Variants in SYT9 observed in about 807,000 individuals in gnomAD.
The protein encoded by SYT9 is synaptotagmin 9, also known as synaptotagmin-9.
SYT9 carries 22 observed loss-of-function variants against 48.4 expected under a neutral mutation model. That is an observed-to-expected ratio of 0.45 (90% CI 0.32 to 0.65). The LOEUF is 0.65. Ranked by LOEUF, SYT9 falls within the 30% of genes least tolerant of loss-of-function variation. The pLI is 0.03. For missense variants in SYT9, 577 were observed against 622.0 expected, an observed-to-expected ratio of 0.93 and a Z score of 0.77; for synonymous variants, 265 against 245.0, an observed-to-expected ratio of 1.08 and a Z score of -0.76.
intron 6 of SYT9, chr11:7,440,679 T>G (rs901354190): frequency 6.6e-6 from 1 of 152,240 alleles, no homozygotes; most frequent in African/African-American, 2.4e-5. Flanking sequence ...TCTGGAAGAC[T>G]GAAGAATATC....
At chr11:7,344,630 A>G (rs2133994272) in intron 3 of SYT9, among the ~76,000 whole-genome samples, 1 of 152,342 alleles carries the variant, frequency 6.6e-6, no homozygotes, top group African/African-American at 2.4e-5. Context: ...GTGTGTGTAT[A>G]CTATAAAGTT....
chr11:7,252,243 C>T lies in SYT9; in HGVS notation c.57C>T (p.Leu19=), dbSNP rs983164962. ...CHQALQLLAE[L]CARGALEHDS... ...AGGCGCTGCAGCTGCTGGCCGAGCT[C>T]TGTGCCCGTGGGGCCCTGGAGCACG... is the stretch of plus-strand genomic sequence containing the variant. The change falls in exon 1 of 7, where the codon CTC becomes CTT. Residue 19 remains leucine, a synonymous_variant. Transcript: ENST00000318881. The surrounding 1 kb of genome is among the most constrained non-coding windows in gnomAD (Gnocchi z 6.3). The T allele has an allele frequency of 2.7e-6, 4 of 1,504,634 alleles. No homozygotes were observed. The African/African-American group carries it at 4.4e-5, about 16-fold the overall frequency. 93.2% of individuals were successfully genotyped at this position (1,504,634 alleles called of 1,614,324 possible). A position where few individuals can be genotyped will look rare whatever the true frequency, so the allele number is the denominator to read the frequency against.
In SYT9 at chr11:7,414,108, G is replaced by T. The variant is rs533366225; in HGVS notation, c.1045-1934G>T. ...AATCTGACACATCACATTTAATTAT[G>T]TGCCTCAGCCTTGAGGGCAGAGATT... On this transcript the variant is annotated intron_variant, in intron 3 of 6. Transcript: ENST00000318881. Among the ~76,000 whole-genome samples, 19 of 152,282 alleles carry T rather than the reference G, an allele frequency of 1.2e-4. No individual in the cohort carries two copies. The South Asian group carries it at 2.9e-3, about 23-fold the overall frequency.
At chr11:7,247,686 A>ATATATACGTATATATGTGTG (rs1847812275), upstream of SYT9, among the ~76,000 whole-genome samples, 4 of 118,082 alleles carry the variant, frequency 3.4e-5, no homozygotes, top group African/African-American at 1.4e-4. Flanking sequence ...ATATGTGTGT[A>ATATATACGTATATATGTGTG]TATATATATA....
At chr11:7,393,041 C>G (rs188820430) in intron 3 of SYT9, among the ~76,000 whole-genome samples, 2 of 152,206 alleles carry the variant, frequency 1.3e-5, no homozygotes, top group East Asian at 3.9e-4. Flanking sequence ...ATACTGTCAG[C>G]AAAGAGAGAT....
At chr11:7,436,978 A>G (rs1847723523) in intron 6 of SYT9, among the ~76,000 whole-genome samples, 1 of 152,248 alleles carries the variant, frequency 6.6e-6, no homozygotes, top group African/African-American at 2.4e-5. Context: ...GGATGATTAA[A>G]TGATACAACA....
Position 7,297,096 on chromosome 11 carries a change from GAGAGAC to G in SYT9, c.146-5937_146-5932del, listed in dbSNP as rs1292544117. On this transcript the variant is annotated intron_variant, in intron 1 of 6. Transcript: ENST00000318881. Reference sequence around the variant, plus strand: ...TGTGTGTGTGTGTGTGAGAGAGAGAGAGAGACAGAGAGAGAGAGAGAGAGAGAGAGA... The same window carrying G: ...TGTGTGTGTGTGTGTGAGAGAGAGAGAGAGAGAGAGAGAGAGAGAGAGAGA... Among the ~76,000 whole-genome samples, 101 of 151,510 alleles carry G rather than the reference GAGAGAC, an allele frequency of 6.7e-4. 2 individuals are homozygous for G. Among genetic ancestry groups the G allele is most frequent in the South Asian group, 4.0e-3 (19 of 4,764 alleles).
At chr11:7,440,845 G>C (rs540704670) in intron 6 of SYT9, 1 of 152,298 alleles carries the variant, frequency 6.6e-6, no homozygotes, top group Non-Finnish European at 1.5e-5. Flanking sequence ...CTGATCAGCT[G>C]ATCTCATCAA....
intron 1 of SYT9, among the ~76,000 whole-genome samples, chr11:7,281,743 G>C (rs1264360376): frequency 1.3e-5 from 2 of 152,238 alleles, no homozygotes; most frequent in African/African-American, 4.8e-5. Flanking sequence ...AGACAGTGCT[G>C]TGCAAGGTTG....
intron 6 of SYT9, chr11:7,453,878 G>A (rs765607185): frequency 5.0e-5 from 25 of 502,096 alleles, no homozygotes; most frequent in Non-Finnish European, 6.4e-5. Flanking sequence ...AGTCAGGCCA[G>A]GGCGCAGAGG....
intron 1 of SYT9, among the ~76,000 whole-genome samples, chr11:7,278,330 G>T (rs1415372848): frequency 1.3e-5 from 2 of 152,136 alleles, no homozygotes; most frequent in African/African-American, 4.8e-5. Flanking sequence ...CTCTTTTAAA[G>T]GCCCCCACCT....
rs550345128 is a variant in SYT9, at chr11:7,339,701, G to T, written c.1044+25760G>T. On this transcript the variant is annotated intron_variant, in intron 3 of 6. Transcript: ENST00000318881. ...TAGGCCCCCTAATCTCTTCTGGTTC[G>T]TAGAGTTTCTGCTGAGAAGTCTGTT... Among the ~76,000 whole-genome samples, 20 of 152,108 alleles carry T rather than the reference G, an allele frequency of 1.3e-4. No individual in the cohort carries two copies. In the South Asian group the frequency reaches 4.0e-3, roughly 30 times the overall value.
upstream of SYT9, among the ~76,000 whole-genome samples, chr11:7,249,613 G>A (rs1431591437): frequency 2.0e-5 from 3 of 152,156 alleles, no homozygotes; most frequent in Non-Finnish European, 4.4e-5. Context: ...TTAGCACCTC[G>A]TACATTGTAG....
chr11:7,347,629 GAGTC>G (rs1230892382), intron 3 of SYT9, among the ~76,000 whole-genome samples: 4 of 152,204 alleles, frequency 2.6e-5, no homozygotes, highest in African/African-American at 9.7e-5. Flanking sequence ...GGGAACTGGG[GAGTC>G]AGGAAGATTG....
chr11:7,256,444 A>G (rs1389033437), intron 1 of SYT9, among the ~76,000 whole-genome samples: 4 of 152,230 alleles, frequency 2.6e-5, no homozygotes, highest in South Asian at 2.1e-4. Context: ...AGTGATTGAT[A>G]TATATGAGTA....
chr11:7,453,370 C>T (rs1848094119), intron 6 of SYT9, among the ~76,000 whole-genome samples: 1 of 152,158 alleles, frequency 6.6e-6, no homozygotes, highest in African/African-American at 2.4e-5. Flanking sequence ...CATCAGTTCC[C>T]ATGACCATCT....
At chr11:7,398,671 T>G (rs1412077317) in intron 3 of SYT9, among the ~76,000 whole-genome samples, 1 of 152,178 alleles carries the variant, frequency 6.6e-6, no homozygotes, top group African/African-American at 2.4e-5. Flanking sequence ...AGTTTTAGCA[T>G]CAGTATATTA....
In SYT9 at chr11:7,365,804, T is replaced by C. The variant is rs571027741; in HGVS notation, c.1045-50238T>C. Among the ~76,000 whole-genome samples the C allele has an allele frequency of 2.6e-5, 4 of 152,342 alleles. No homozygotes were observed. The South Asian group carries it at 6.2e-4, about 24-fold the overall frequency. The stretch of plus-strand genomic sequence containing the variant: ...AAAAATGACTTAAAATTGTGAAATA[T>C]GTGAGCAGGATCGGGTCGTATTTAC... On this transcript the variant is annotated intron_variant, in intron 3 of 6. Coordinates refer to ENST00000318881, the MANE Select transcript of SYT9 (RefSeq NM_175733.4).
chr11:7,261,697 C>T (rs554539952), intron 1 of SYT9, among the ~76,000 whole-genome samples: 5 of 152,100 alleles, frequency 3.3e-5, no homozygotes, highest in Admixed American at 2.6e-4. Context: ...AAGATACACA[C>T]GTAGCAGGGG....
Sources: allele counts gnomAD v4.1 joint callset (sites outside exome capture counted in the v4.1 genomes callset), GRCh38; gene constraint gnomAD v4.1.1; non-coding constraint Gnocchi (gnomAD v3.1); transcripts MANE v1.5; gene names NCBI Gene and HGNC (gene_info 2026-07-23, HGNC 2026-07-21).